Variants in LANCL1 observed in about 807,000 individuals in gnomAD.
LANCL1 encodes the protein glutathione S-transferase LANCL1.
A neutral mutation model predicts 50.6 loss-of-function variants in LANCL1; 50 were observed. The observed-to-expected ratio is 0.99, with a 90% confidence interval of 0.79 to 1.25. The LOEUF (loss-of-function observed/expected upper bound fraction) is 1.25. Ranked by LOEUF, LANCL1 falls within the 50% of genes most tolerant of loss-of-function variation. The pLI, the probability that LANCL1 is intolerant of heterozygous loss-of-function variation, is 0.00. For missense variants in LANCL1, 532 were observed against 480.7 expected (o/e 1.11, Z -1.00); for synonymous variants, 188 against 178.6 (o/e 1.05, Z -0.42).
At chr2:210,466,746 C>T (rs772047023) in intron 3 of LANCL1, among the ~76,000 whole-genome samples, 2 of 152,102 alleles carry the variant, frequency 1.3e-5, no homozygotes, top group Non-Finnish European at 2.9e-5. Flanking sequence ...GACCCTTTCA[C>T]GGAACAAACC....
rs397869730 is a variant in LANCL1 at position 210,438,133 on chromosome 2, C to CTT, written c.691-263_691-262dup. 9.7e-4 allele frequency among the ~76,000 whole-genome samples: 127 copies of CTT among 130,614 alleles called. 1 individual carries two copies. The highest frequency in any genetic ancestry group is 2.2e-3 in the African/African-American group (76 of 34,912). The allele number at this position is 130,614 out of a possible 152,430, so 85.7% of individuals were successfully genotyped here. On this transcript the variant is annotated intron_variant, in intron 6 of 9. Coordinates refer to ENST00000450366, the MANE Select transcript of LANCL1 (RefSeq NM_006055.3). Reference sequence around the variant, plus strand: ...CCTTTTGTATATATGGTTTTTCTTTCTTTTTTTTTTTTTTTTTTGAGATGG... The same window carrying CTT: ...CCTTTTGTATATATGGTTTTTCTTTCTTTTTTTTTTTTTTTTTTTTGAGATGG...
chr2:210,465,338 C>T (rs1433644853), intron 3 of LANCL1, among the ~76,000 whole-genome samples: 1 of 152,172 alleles, frequency 6.6e-6, no homozygotes, highest in East Asian at 1.9e-4. Flanking sequence ...ACTAGTGATG[C>T]TGAAAGTGCT....
chr2:210,437,851 C>T lies in LANCL1; in HGVS notation c.712G>A (p.Gly238Arg). Residue 238 changes from glycine (G) to arginine (R), a missense_variant, in exon 7 of 10, where the codon GGG (glycine) becomes AGG (arginine). Physicochemically the swap from Gly to Arg is moderately radical, Grantham distance 125 (BLOSUM62 -2). Transcript: ENST00000450366. ...GGCTTGACCAAACTATGTAACTTCC[C>T]TTGGCTCACTTGAAGGCTGGGCTAA... ...LMQPSLQVSQ[G>R]KLHSLVKPSV... The T allele has an allele frequency of 6.3e-7, 1 of 1,596,988 alleles. No homozygotes were observed. Among genetic ancestry groups the T allele is most frequent in the Non-Finnish European group, 8.5e-7 (1 of 1,173,884 alleles).
intron 4 of LANCL1, among the ~76,000 whole-genome samples, chr2:210,454,215 TACATACACACAC>T (rs1175176091): frequency 3.6e-4 from 46 of 127,942 alleles, no homozygotes; most frequent in African/African-American, 1.4e-3. Context: ...GAGATATGCA[TACATACACACAC>T]ACACACACAC....
intron 4 of LANCL1, among the ~76,000 whole-genome samples, chr2:210,450,493 T>C (rs962657395): frequency 6.6e-6 from 1 of 151,980 alleles, no homozygotes; most frequent in Admixed American, 6.6e-5. Flanking sequence ...AATTGACAAA[T>C]GGGATCTAAT....
Position 210,476,341 on chromosome 2 carries a change from T to G in LANCL1, c.56A>C (p.Glu19Ala), listed in dbSNP as rs1694371228. The G allele has an allele frequency of 1.2e-6, 2 of 1,613,876 alleles. No homozygotes were observed. Among genetic ancestry groups the G allele is most frequent in the Admixed American group, 1.7e-5 (1 of 60,000 alleles). Reference sequence around the variant, plus strand: ...CCTCCCGGCAGCATCAAAGTAGCCTTCGGCCAGGGATTTGTTATAATCAGC... The same window carrying G: ...CCTCCCGGCAGCATCAAAGTAGCCTGCGGCCAGGGATTTGTTATAATCAGC... ...PYADYNKSLA[E>A]GYFDAAGRLT... is the part of the protein sequence containing the mutation. The change falls in exon 2 of 10, where the codon GAA (glutamate) becomes GCA (alanine). Residue 19 changes from glutamate to alanine, a missense_variant. By Grantham distance (107) the Glu-to-Ala change is moderately radical (BLOSUM62 -1). Transcript: ENST00000450366.
Position 210,476,422 on chromosome 2 carries a change from A to C in LANCL1, c.-16-10T>G, listed in dbSNP as rs1157321029. 3 of 1,610,050 alleles carry C rather than the reference A, an allele frequency of 1.9e-6. No individual in the cohort carries two copies. The highest frequency in any genetic ancestry group is 2.2e-5 in the East Asian group (1 of 44,788). On this transcript the variant is annotated splice_polypyrimidine_tract_variant and intron_variant, in intron 1 of 9. Coordinates refer to ENST00000450366, the MANE Select transcript of LANCL1 (RefSeq NM_006055.3). ...GACGCCGGAAGCAAGCCTGCAGAAC[A>C]GGGGAAAAACAGAAACTAGGTTGAG...
At chr2:210,471,880 T>C in intron 3 of LANCL1, 79 bp downstream of exon 3, 1 of 1,000,086 alleles carries the variant, frequency 1.0e-6, no homozygotes, top group Non-Finnish European at 1.6e-6. Context: ...GGGTGTACCA[T>C]TCAGACAGAC....
At chr2:210,442,049 T>G (rs1693155999) in intron 4 of LANCL1, among the ~76,000 whole-genome samples, 1 of 151,918 alleles carries the variant, frequency 6.6e-6, no homozygotes, top group Admixed American at 6.6e-5. Context: ...GGATTATAGG[T>G]ACACACCACC....
intron 4 of LANCL1, among the ~76,000 whole-genome samples, chr2:210,446,698 T>G (rs772487746): frequency 6.6e-6 from 1 of 151,862 alleles, no homozygotes; most frequent in Non-Finnish European, 1.5e-5. Context: ...GCATGAGAGC[T>G]TTGTGAAGCA....
rs149043409 is a variant in LANCL1 at position 210,435,344 on chromosome 2, G to A, written c.1123+43C>T. 701 of 1,445,810 alleles carry A rather than the reference G, an allele frequency of 4.8e-4. 8 individuals are homozygous for A. In the East Asian group the frequency reaches 0.012, roughly 25 times the overall value. The allele number at this position is 1,445,810 out of a possible 1,614,324, so 89.6% of individuals were successfully genotyped here. A position where few individuals can be genotyped will look rare whatever the true frequency, so the allele number is the denominator to read the frequency against. On this transcript the variant is annotated intron_variant, in intron 9 of 9. Transcript: ENST00000450366. Reference sequence around the variant, plus strand: ...ACATTAATTACCAAGCAGAGAAGTAGATGCTGATATTATAGGGCAAATAAA... The same window carrying A: ...ACATTAATTACCAAGCAGAGAAGTAAATGCTGATATTATAGGGCAAATAAA...
At chr2:210,446,608 A>C (rs1693338323) in intron 4 of LANCL1, among the ~76,000 whole-genome samples, 1 of 152,066 alleles carries the variant, frequency 6.6e-6, no homozygotes, top group South Asian at 2.1e-4. Context: ...AAGACCCTTG[A>C]AAAAAGCTTA....
intron 3 of LANCL1, 51 bp downstream of exon 3, chr2:210,471,908 T>C (rs766623517): frequency 2.3e-6 from 3 of 1,282,020 alleles, no homozygotes; most frequent in Non-Finnish European, 3.4e-6. Context: ...GGAAAAATGC[T>C]CTGGCTCTTA....
At chr2:210,466,856 A>C (rs1694078260) in intron 3 of LANCL1, among the ~76,000 whole-genome samples, 1 of 152,186 alleles carries the variant, frequency 6.6e-6, no homozygotes, top group Non-Finnish European at 1.5e-5. Context: ...GAAACAATAA[A>C]TTCCTGCTGG....
At chr2:210,438,000 A>C in intron 6 of LANCL1, 128 bp from the exon 7 acceptor site, 2 of 603,538 alleles carry the variant, frequency 3.3e-6, no homozygotes, top group Non-Finnish European at 2.6e-6. Flanking sequence ...TTTGGATTTC[A>C]TCCAATTTTT....
chr2:210,444,371 G>C (rs1182551165), intron 4 of LANCL1, among the ~76,000 whole-genome samples: 2 of 151,604 alleles, frequency 1.3e-5, no homozygotes, highest in African/African-American at 2.4e-5. Flanking sequence ...TTGTGGTGAG[G>C]GGGGAGAAAA....
rs552739461 is a variant in LANCL1, at chr2:210,433,638, A to C, written c.*849T>G. The C allele has an allele frequency of 6.6e-6, 1 of 152,338 alleles. No individual in the cohort carries two copies. The highest frequency in any genetic ancestry group is 2.4e-5 in the African/African-American group (1 of 41,568). 9.4% of individuals were successfully genotyped at this position (152,338 alleles called of 1,614,324 possible). A position where few individuals can be genotyped will look rare whatever the true frequency, so the allele number is the denominator to read the frequency against. Reference sequence around the variant, plus strand: ...GTGGACTGAAATCCTAGGTTAAAGCATATTCATACATAGAAAATTGGCTTC... The same window carrying C: ...GTGGACTGAAATCCTAGGTTAAAGCCTATTCATACATAGAAAATTGGCTTC... On this transcript the variant is annotated 3_prime_UTR_variant, in exon 10 of 10. Coordinates refer to ENST00000450366, the MANE Select transcript of LANCL1 (RefSeq NM_006055.3).
chr2:210,441,257 G>C, intron 5 of LANCL1, 51 bp downstream of exon 5: 1 of 1,566,400 alleles, frequency 6.4e-7, no homozygotes, highest in East Asian at 2.2e-5. Context: ...TAGGCAGATA[G>C]TAAGTAAATG....
rs767085581 is a variant in LANCL1 at position 210,436,374 on chromosome 2, A to G, written c.892T>C (p.Tyr298His). 1.2e-6 allele frequency: 2 copies of G among 1,613,960 alleles called. No individual in the cohort carries two copies. Among genetic ancestry groups the G allele is most frequent in the South Asian group, 1.1e-5 (1 of 91,078 alleles). ...GCACACTGATAGGCATCACAGAGAT[A>G]CTTTTCCTCTCTGAATACCTGCAGA... is the stretch of plus-strand genomic sequence containing the variant. ...QAYKVFREEKYLCDAYQCADV... is the reference protein window; with the variant it reads ...QAYKVFREEKHLCDAYQCADV... Residue 298 changes from tyrosine (Y) to histidine (H), a missense_variant, in exon 8 of 10, where the codon TAT (tyrosine) becomes CAT (histidine). Coordinates refer to ENST00000450366, the MANE Select transcript of LANCL1 (RefSeq NM_006055.3).
Sources: allele counts gnomAD v4.1 joint callset (sites outside exome capture counted in the v4.1 genomes callset), GRCh38; gene constraint gnomAD v4.1.1; transcripts MANE v1.5; gene names NCBI Gene and HGNC (gene_info 2026-07-23, HGNC 2026-07-21).